MRPS23: variants seen among roughly 807,000 people sequenced by gnomAD.
The protein encoded by MRPS23 is mitochondrial ribosomal protein S23, also known as small ribosomal subunit protein mS23.
Under a neutral mutation model 19.8 loss-of-function variants are expected in MRPS23, and 14 were observed. The observed-to-expected ratio is 0.71, with a 90% CI of 0.47 to 1.11. The LOEUF is 1.11. Among genes scored for constraint, MRPS23 ranks in the 50% least tolerant of loss-of-function variants. The pLI, the probability that MRPS23 is intolerant of heterozygous loss-of-function variation, is 0.00. For synonymous variants in MRPS23, 113 were observed against 89.7 expected (o/e 1.26, Z -1.47); for missense variants, 242 against 236.7 (o/e 1.02, Z -0.15).
intron 2 of MRPS23, among the ~76,000 whole-genome samples, chr17:57,842,889 TATACACACACACACACACACAC>T (rs2073749228): frequency 1.0e-5 from 1 of 98,408 alleles, no homozygotes; most frequent in African/African-American, 4.3e-5. Context: ...AATATATATA[TATACACACACACACACACACAC>T]ACACACACAC....
chr17:57,844,618 A>T (rs2073760423), intron 2 of MRPS23, among the ~76,000 whole-genome samples: 1 of 150,352 alleles, frequency 6.7e-6, no homozygotes, highest in African/African-American at 2.4e-5. Context: ...AAAAAAAAAA[A>T]AAATTAGCCC....
chr17:57,842,530 T>C (rs1443873425), intron 2 of MRPS23, among the ~76,000 whole-genome samples: 1 of 152,208 alleles, frequency 6.6e-6, no homozygotes, highest in Non-Finnish European at 1.5e-5. Flanking sequence ...CATGCTGCAA[T>C]CATTATCTCT....
chr17:57,849,676 C>G (rs2073799375), intron 1 of MRPS23, among the ~76,000 whole-genome samples: 1 of 152,204 alleles, frequency 6.6e-6, no homozygotes, highest in Non-Finnish European at 1.5e-5. Flanking sequence ...CTTGCATGAC[C>G]TGATAAGGAA....
intron 2 of MRPS23, among the ~76,000 whole-genome samples, chr17:57,848,179 C>G (rs2073788788): frequency 6.6e-6 from 1 of 152,070 alleles, no homozygotes; most frequent in Non-Finnish European, 1.5e-5. Context: ...CCTTATGCCT[C>G]CCAAAGCACT....
chr17:57,849,337 G>C lies in MRPS23; in HGVS notation c.118C>G (p.Pro40Ala). The C allele has an allele frequency of 6.2e-7, 1 of 1,614,204 alleles. No individual in the cohort carries two copies. The highest frequency in any genetic ancestry group is 8.5e-7 in the Non-Finnish European group (1 of 1,180,048). ...LWFDVYDAFP[P>A]LREPVFQRPR... is the part of the protein sequence containing the mutation. ...CTTTGGAAGACGGGCTCCCTCAGCG[G>C]GGGAAAGGCGTCATATACGTCAAAC... is the stretch of plus-strand genomic sequence containing the variant. Residue 40 changes from proline to alanine, a missense_variant, in exon 2 of 5, where the codon CCG (proline) becomes GCG (alanine). Pro to Ala is a conservative substitution (Grantham distance 27). Coordinates refer to ENST00000313608, the MANE Select transcript of MRPS23 (RefSeq NM_016070.4).
At chr17:57,843,305 T>C (rs1030797281) in intron 2 of MRPS23, among the ~76,000 whole-genome samples, 37 of 151,688 alleles carry the variant, frequency 2.4e-4, no homozygotes, top group Non-Finnish European at 1.2e-4. Context: ...CACACACACA[T>C]GTTCTCCAAC....
At position 57,835,435 on chromosome 17, in the gene MRPS23, A is replaced by G. The variant is rs1048662379; in HGVS notation, c.*4348T>C. On this transcript the variant is annotated 3_prime_UTR_variant, in exon 5 of 5. Transcript: ENST00000313608. ...TTCCTCCTTCCCTGCCCACTCCTCC[A>G]TCCCATTCTTTACATCACTCCTAGG... The G allele has an allele frequency of 1.3e-5, 2 of 152,052 alleles. No homozygotes were observed. Among genetic ancestry groups the G allele is most frequent in the Admixed American group, 6.6e-5 (1 of 15,250 alleles). 9.4% of individuals were successfully genotyped at this position (152,052 alleles called of 1,614,324 possible).
chr17:57,846,608 ACCTTACCCC>A lies in MRPS23; in HGVS notation c.215+2623_215+2631del, dbSNP rs976570153. ...TGCCTTGGGATGCTGTTAATCTATA[ACCTTACCCC>A]CAACCCCCTGCTCTCTGAAACATGT... On this transcript the variant is annotated intron_variant, in intron 2 of 4. Transcript: ENST00000313608. 3.9e-5 allele frequency among the ~76,000 whole-genome samples: 6 copies of A among 152,158 alleles called. No homozygotes were observed. The East Asian group carries it at 1.2e-3, about 29-fold the overall frequency.
rs191529487 is a variant in MRPS23, at chr17:57,842,170, A to C, written c.216-910T>G. On this transcript the variant is annotated intron_variant, in intron 2 of 4. Coordinates refer to ENST00000313608, the MANE Select transcript of MRPS23 (RefSeq NM_016070.4). ...GGAACTACAGGTTCGCAGCACCACC[A>C]TGCCTGGCTAAGTTTTAAATTTTTG... Among the ~76,000 whole-genome samples, 68 of 152,244 alleles carry C rather than the reference A, an allele frequency of 4.5e-4. No homozygotes were observed. The East Asian group carries it at 5.2e-3, about 12-fold the overall frequency.
intron 4 of MRPS23, 108 bp downstream of exon 4, chr17:57,840,818 T>C: frequency 7.0e-7 from 1 of 1,427,420 alleles, no homozygotes; most frequent in Non-Finnish European, 9.5e-7. Context: ...TAAAAGGTAT[T>C]TCAGCATCTG....
At chr17:57,842,275 A>C (rs1304216666) in intron 2 of MRPS23, among the ~76,000 whole-genome samples, 2 of 152,220 alleles carry the variant, frequency 1.3e-5, no homozygotes, top group Admixed American at 1.3e-4. Context: ...TGGCTTCCAA[A>C]AATGCTGGGC....
rs181165936 is a variant in MRPS23, at chr17:57,847,188, G to A, written c.215+2052C>T. ...TGAGCCTGTAATCCCAGCTACTCAA[G>A]AGGCTGAGGCAGGAGAACAGCTTGA... On this transcript the variant is annotated intron_variant, in intron 2 of 4. Transcript: ENST00000313608. Among the ~76,000 whole-genome samples the A allele has an allele frequency of 4.3e-3, 648 of 151,700 alleles. 5 individuals are homozygous for A. Among genetic ancestry groups the A allele is most frequent in the African/African-American group, 0.015 (614 of 41,372 alleles).
Position 57,838,486 on chromosome 17 carries a change from TC to T in MRPS23, c.*1296del, listed in dbSNP as rs2073721042. On this transcript the variant is annotated 3_prime_UTR_variant, in exon 5 of 5. Coordinates refer to ENST00000313608, the MANE Select transcript of MRPS23 (RefSeq NM_016070.4). ...AAGAGATGAGTGACCCCTCAATTGTTCCTCTGAGAATAGACTGTGTCTTTCA... is the reference window on the plus strand; with the variant it reads ...AAGAGATGAGTGACCCCTCAATTGTTCTCTGAGAATAGACTGTGTCTTTCA... 6.6e-6 allele frequency: 1 copy of T among 152,128 alleles called. No individual in the cohort carries two copies. Among genetic ancestry groups the T allele is most frequent in the Non-Finnish European group, 1.5e-5 (1 of 68,018 alleles). The allele number at this position is 152,128 out of a possible 1,614,324, so 9.4% of individuals were successfully genotyped here. A position where few individuals can be genotyped will look rare whatever the true frequency, so the allele number is the denominator to read the frequency against.
Position 57,849,371 on chromosome 17 carries a change from C to A in MRPS23, c.84G>T (p.Lys28Asn), listed in dbSNP as rs536704915. The A allele has an allele frequency of 1.2e-6, 2 of 1,614,192 alleles. No individual in the cohort carries two copies. The highest frequency in any genetic ancestry group is 2.2e-5 in the East Asian group (1 of 44,888). ...CGTCATATACGTCAAACCACAGGGG[C>A]TTCTCCTTCAGCACCCCGGCCCGAA... is the stretch of plus-strand genomic sequence containing the variant. ...DLVRAGVLKEKPLWFDVYDAF... is the reference protein window; with the variant it reads ...DLVRAGVLKENPLWFDVYDAF... The change falls in exon 2 of 5, where the codon AAG (lysine) becomes AAT (asparagine). Residue 28 changes from lysine to asparagine, a missense_variant. Physicochemically the swap from Lys to Asn is moderately conservative, Grantham distance 94. Transcript: ENST00000313608.
At chr17:57,843,291 AAC>A (rs1597952499) in intron 2 of MRPS23, among the ~76,000 whole-genome samples, 2 of 147,408 alleles carry the variant, frequency 1.4e-5, no homozygotes, top group East Asian at 2.1e-4. Flanking sequence ...AAAATACACA[AAC>A]ACACACACAC....
At chr17:57,842,144 TG>T (rs1302395494) in intron 2 of MRPS23, among the ~76,000 whole-genome samples, 1 of 152,170 alleles carries the variant, frequency 6.6e-6, no homozygotes, top group Non-Finnish European at 1.5e-5. Flanking sequence ...CCTGAGTAGC[TG>T]GAACTACAGG....
chr17:57,849,789 T>A (rs2073800075), intron 1 of MRPS23, 178 bp downstream of exon 1: 1 of 727,882 alleles, frequency 1.4e-6, no homozygotes, highest in African/African-American at 1.8e-5. Context: ...AGGAGAGGCA[T>A]CCTCAGGCAC....
At chr17:57,847,392 G>A (rs529834651) in intron 2 of MRPS23, among the ~76,000 whole-genome samples, 1 of 152,030 alleles carries the variant, frequency 6.6e-6, no homozygotes, top group South Asian at 2.1e-4. Context: ...GCCGGGCGCG[G>A]TGGCTCACGC....
At chr17:57,840,623 C>T (rs1374108843) in intron 4 of MRPS23, among the ~76,000 whole-genome samples, 1 of 151,618 alleles carries the variant, frequency 6.6e-6, no homozygotes, top group East Asian at 1.9e-4. Flanking sequence ...TATGCAGATT[C>T]AACAAACCAC....
Sources: gnomAD v4.1 joint callset for allele counts (sites outside exome capture counted in the v4.1 genomes callset) on GRCh38, gnomAD v4.1.1 for gene constraint, MANE v1.5 for transcripts, NCBI Gene and HGNC (gene_info 2026-07-23, HGNC 2026-07-21) for gene names.